CDH13: variants seen among roughly 807,000 people sequenced by gnomAD.
The protein encoded by CDH13 is cadherin-13.
CDH13 carries 24 observed loss-of-function variants against 63.8 expected under a neutral mutation model. The ratio of observed to expected loss-of-function variants is 0.38; its 90% CI spans 0.27 to 0.53. CDH13 has a LOEUF of 0.53. CDH13 is among the 20% of genes least tolerant of loss of function. The pLI, the probability that CDH13 is intolerant of heterozygous loss-of-function variation, is 0.85. For synonymous variants in CDH13, 503 were observed against 355.3 expected (o/e 1.42, Z -4.67); for missense variants, 1,049 against 903.1 (o/e 1.16, Z -2.07).
intron 3 of CDH13, among the ~76,000 whole-genome samples, chr16:83,033,341 A>G (rs956464201): frequency 4.6e-5 from 7 of 152,120 alleles, no homozygotes; most frequent in Non-Finnish European, 8.8e-5. Context: ...CTATATGTAT[A>G]CATTTGCATT....
intron 3 of CDH13, among the ~76,000 whole-genome samples, chr16:83,065,358 G>A (rs901968394): frequency 6.6e-6 from 1 of 152,164 alleles, no homozygotes; most frequent in Non-Finnish European, 1.5e-5. Flanking sequence ...AGATGGGTAA[G>A]ATGGGATGGA....
intron 5 of CDH13, among the ~76,000 whole-genome samples, chr16:83,218,796 A>G (rs995467931): frequency 6.6e-6 from 1 of 152,136 alleles, no homozygotes; most frequent in African/African-American, 2.4e-5. Context: ...CACACGTGTC[A>G]TGGGAGGGAC....
At chr16:83,207,312 T>C (rs1207066738) in intron 4 of CDH13, among the ~76,000 whole-genome samples, 2 of 152,232 alleles carry the variant, frequency 1.3e-5, no homozygotes, top group African/African-American at 2.4e-5. Context: ...CAGGTGCCTC[T>C]TGTAAGTGGA....
chr16:82,793,239 A>G (rs1009175967), intron 1 of CDH13, among the ~76,000 whole-genome samples: 7 of 152,212 alleles, frequency 4.6e-5, no homozygotes, highest in African/African-American at 1.7e-4. Flanking sequence ...GGGGAATTTC[A>G]ATCAACCTGT....
At chr16:83,300,337 C>T (rs1254331723) in intron 5 of CDH13, among the ~76,000 whole-genome samples, 1 of 152,246 alleles carries the variant, frequency 6.6e-6, no homozygotes, top group Admixed American at 6.5e-5. Context: ...AAAATATTTA[C>T]ATTTGCTAAA....
At chr16:83,323,649 A>C (rs2090291460) in intron 5 of CDH13, among the ~76,000 whole-genome samples, 1 of 152,206 alleles carries the variant, frequency 6.6e-6, no homozygotes, top group Non-Finnish European at 1.5e-5. Flanking sequence ...AAAGCAAAAC[A>C]AACAACAAAC....
intron 4 of CDH13, among the ~76,000 whole-genome samples, chr16:83,175,906 G>A (rs986674693): frequency 2.3e-5 from 3 of 132,420 alleles, no homozygotes; most frequent in Non-Finnish European, 1.5e-5. Flanking sequence ...TCGGCTCACC[G>A]CAACCTCCGC....
chr16:82,833,294 A>G (rs1175918098), intron 1 of CDH13, among the ~76,000 whole-genome samples: 1 of 152,206 alleles, frequency 6.6e-6, no homozygotes, highest in Admixed American at 6.5e-5. Context: ...CATCCTTCGA[A>G]TGATCCTGCA....
intron 5 of CDH13, among the ~76,000 whole-genome samples, chr16:83,243,277 G>A (rs904818728): frequency 6.6e-6 from 1 of 152,188 alleles, no homozygotes; most frequent in Non-Finnish European, 1.5e-5. Flanking sequence ...GAAGTTTAAT[G>A]CACTTACAGT....
chr16:82,746,080 A>G (rs1413388036), intron 1 of CDH13, among the ~76,000 whole-genome samples: 2 of 151,832 alleles, frequency 1.3e-5, no homozygotes, highest in African/African-American at 4.8e-5. Context: ...GAATCTATCT[A>G]TGTCTTTCTA....
At chr16:83,571,830 A>T (rs571662779) in intron 7 of CDH13, among the ~76,000 whole-genome samples, 2 of 152,152 alleles carry the variant, frequency 1.3e-5, no homozygotes, top group South Asian at 4.1e-4. Flanking sequence ...GCTAGAAACT[A>T]CCTACCAAAC....
At position 83,253,528 on chromosome 16, in the gene CDH13, C is replaced by T. The variant is rs78316894; in HGVS notation, c.636+36031C>T. ...TTCTGCCATTAAGCAGGTCTGACAA[C>T]GTGAAAGCTGGCTGAGCTGAGGGAG... On this transcript the variant is annotated intron_variant, in intron 5 of 13. Coordinates refer to ENST00000567109, the MANE Select transcript of CDH13 (RefSeq NM_001257.5). Among the ~76,000 whole-genome samples, 213 of 152,330 alleles carry T rather than the reference C, an allele frequency of 1.4e-3. 1 individual carries two copies. The highest frequency in any genetic ancestry group is 4.9e-3 in the African/African-American group (204 of 41,574).
chr16:82,871,195 C>G (rs1027834031), intron 2 of CDH13, among the ~76,000 whole-genome samples: 1 of 152,132 alleles, frequency 6.6e-6, no homozygotes, highest in Non-Finnish European at 1.5e-5. Flanking sequence ...TGATCAAAGA[C>G]TTTGAAATCT....
chr16:82,783,959 A>G (rs1282161540), intron 1 of CDH13, among the ~76,000 whole-genome samples: 2 of 152,196 alleles, frequency 1.3e-5, no homozygotes, highest in Non-Finnish European at 1.5e-5. Context: ...AATGTTAGAA[A>G]TTCAATTTGT....
At chr16:83,108,776 T>C (rs1177994744) in intron 3 of CDH13, among the ~76,000 whole-genome samples, 1 of 152,206 alleles carries the variant, frequency 6.6e-6, no homozygotes, top group African/African-American at 2.4e-5. Flanking sequence ...CTGCATTTAT[T>C]TGCCTTATCA....
chr16:82,755,232 C>G (rs2034569519), intron 1 of CDH13, among the ~76,000 whole-genome samples: 1 of 152,182 alleles, frequency 6.6e-6, no homozygotes, highest in Non-Finnish European at 1.5e-5. Flanking sequence ...CAGCTTGAGC[C>G]TCACCTTAAG....
intron 2 of CDH13, among the ~76,000 whole-genome samples, chr16:82,993,078 T>C (rs1267322544): frequency 6.6e-6 from 1 of 152,176 alleles, no homozygotes; most frequent in Non-Finnish European, 1.5e-5. Flanking sequence ...CCAGGCCCTA[T>C]CTTCTGATTC....
chr16:83,186,286 A>G lies in CDH13; in HGVS notation c.484-31059A>G, dbSNP rs1197641514. On this transcript the variant is annotated intron_variant, in intron 4 of 13. Transcript: ENST00000567109. ...CCTGAGTAGCTGGGACTACGGGCAC[A>G]TACCACCATGCCAAGCTAATTTTTG... Among the ~76,000 whole-genome samples, 6 of 151,888 alleles carry G rather than the reference A, an allele frequency of 4.0e-5. No homozygotes were observed. In the South Asian group the frequency reaches 6.2e-4, roughly 16 times the overall value.
intron 1 of CDH13, among the ~76,000 whole-genome samples, chr16:82,683,448 G>A (rs938432610): frequency 6.6e-6 from 1 of 152,202 alleles, no homozygotes; most frequent in Non-Finnish European, 1.5e-5. Flanking sequence ...TGTCACCCCA[G>A]TGACACGGAA....
Sources: gnomAD v4.1 joint callset for allele counts (sites outside exome capture counted in the v4.1 genomes callset) on GRCh38, gnomAD v4.1.1 for gene constraint, MANE v1.5 for transcripts, NCBI Gene and HGNC (gene_info 2026-07-23, HGNC 2026-07-21) for gene names.